IPO8: variants seen among roughly 807,000 people sequenced by gnomAD.
IPO8 encodes importin 8.
Under a neutral mutation model 141.2 loss-of-function variants are expected in IPO8, and 65 were observed. That is an observed-to-expected ratio of 0.46 (90% confidence interval 0.38 to 0.57). The LOEUF is 0.57. Ranked by LOEUF, IPO8 falls within the 20% of genes least tolerant of loss-of-function variation. The pLI, the probability that IPO8 is intolerant of heterozygous loss-of-function variation, is 0.00. For synonymous variants in IPO8, 411 were observed against 420.3 expected, an observed-to-expected ratio of 0.98 and a Z score of 0.27; for missense variants, 980 against 1,246.8, an observed-to-expected ratio of 0.79 and a Z score of 3.22.
At chr12:30,648,297 T>C (rs576730279) in intron 20 of IPO8, among the ~76,000 whole-genome samples, 1 of 152,290 alleles carries the variant, frequency 6.6e-6, no homozygotes, top group South Asian at 2.1e-4. Context: ...TGAAAACCTA[T>C]GACAAGTGAA....
intron 6 of IPO8, 41 bp from the exon 7 acceptor site, chr12:30,674,794 A>G (rs2136163880): frequency 1.6e-6 from 2 of 1,275,066 alleles, no homozygotes; most frequent in South Asian, 1.2e-5. Flanking sequence ...TCTGCATAAT[A>G]AAAGGATTTA....
chr12:30,669,074 C>A, intron 10 of IPO8, 109 bp downstream of exon 10: 1 of 515,370 alleles, frequency 1.9e-6, no homozygotes, highest in Non-Finnish European at 3.4e-6. Context: ...TCATGCAAAA[C>A]AGAACCTGGG....
chr12:30,661,392 T>A, intron 15 of IPO8, 126 bp from the exon 16 acceptor site: 5 of 686,824 alleles, frequency 7.3e-6, no homozygotes, highest in Non-Finnish European at 1.1e-5. Flanking sequence ...AAGTCTGCAC[T>A]TTGCTGACTG....
chr12:30,677,010 A>G (rs1473848265), intron 5 of IPO8: 8 of 1,529,014 alleles, frequency 5.2e-6, no homozygotes, highest in Non-Finnish European at 7.0e-6. Flanking sequence ...CATAATAACT[A>G]CAGTCCACTT....
At chr12:30,643,549 G>A (rs930027269) in intron 20 of IPO8, among the ~76,000 whole-genome samples, 5 of 152,186 alleles carry the variant, frequency 3.3e-5, no homozygotes, top group African/African-American at 1.2e-4. Context: ...GGGAGGTGGG[G>A]CCTAGTGGGA....
intron 8 of IPO8, among the ~76,000 whole-genome samples, chr12:30,671,612 T>G (rs1318991148): frequency 7.0e-6 from 1 of 143,018 alleles, no homozygotes; most frequent in Non-Finnish European, 1.5e-5. Context: ...AGGCGGAGCT[T>G]GCAGTGAGCC....
At chr12:30,644,152 G>A (rs958851444) in intron 20 of IPO8, among the ~76,000 whole-genome samples, 1 of 152,140 alleles carries the variant, frequency 6.6e-6, no homozygotes, top group African/African-American at 2.4e-5. Flanking sequence ...AGGATCACTT[G>A]AAGCCAGGAG....
rs529434188 is a variant in IPO8 at position 30,629,612 on chromosome 12, C to A, written c.*1248G>T. The stretch of plus-strand genomic sequence containing the variant: ...AGTAATATGTTAAGTTCTGAAGATA[C>A]GTTTTCATTTTGCTGAATAAAAACC... On this transcript the variant is annotated 3_prime_UTR_variant, in exon 25 of 25. Transcript: ENST00000256079. 1 of 152,162 alleles carries A rather than the reference C, an allele frequency of 6.6e-6. No homozygotes were observed. The highest frequency in any genetic ancestry group is 2.4e-5 in the African/African-American group (1 of 41,434). 9.4% of individuals were successfully genotyped at this position (152,162 alleles called of 1,614,324 possible).
chr12:30,629,712 A>C lies in IPO8; in HGVS notation c.*1148T>G, dbSNP rs10843796. 0.59 allele frequency: 89,072 copies of C among 152,004 alleles called. 27,758 individuals are homozygous for C. The highest frequency in any genetic ancestry group is 0.81 in the African/African-American group (33,425 of 41,446). The allele number at this position is 152,004 out of a possible 1,614,324, so 9.4% of individuals were successfully genotyped here. A position where few individuals can be genotyped will look rare whatever the true frequency, so the allele number is the denominator to read the frequency against. On this transcript the variant is annotated 3_prime_UTR_variant, in exon 25 of 25. Coordinates refer to ENST00000256079, the MANE Select transcript of IPO8 (RefSeq NM_006390.4). ...TCCATATGCAATATTTCCTATAGGCAACCTAAAAGTGCAGCTGCCCCAACC... is the reference window on the plus strand; with the variant it reads ...TCCATATGCAATATTTCCTATAGGCCACCTAAAAGTGCAGCTGCCCCAACC...
At chr12:30,644,653 G>GTTTTTTTTTTTTTTT (rs1169009653) in intron 20 of IPO8, among the ~76,000 whole-genome samples, 1 of 128,156 alleles carries the variant, frequency 7.8e-6, no homozygotes, top group African/African-American at 2.7e-5. Context: ...TTTTTTTTTT[G>GTTTTTTTTTTTTTTT]TTTTTTTTTT....
At chr12:30,636,115 G>A (rs546678442) in intron 22 of IPO8, among the ~76,000 whole-genome samples, 30 of 152,226 alleles carry the variant, frequency 2.0e-4, no homozygotes, top group African/African-American at 7.2e-4. Flanking sequence ...ATTAGAAGCT[G>A]TATTTTGTGC....
chr12:30,656,858 A>G (rs2052807962), intron 16 of IPO8, 108 bp from the exon 17 acceptor site: 1 of 496,426 alleles, frequency 2.0e-6, no homozygotes. Flanking sequence ...CGGTAACTTG[A>G]CAATTCTAAA....
At chr12:30,687,586 C>T (rs2053253987) in intron 2 of IPO8, among the ~76,000 whole-genome samples, 1 of 151,868 alleles carries the variant, frequency 6.6e-6, no homozygotes, top group Non-Finnish European at 1.5e-5. Context: ...CCCTTCTCTC[C>T]CTTATTACTC....
chr12:30,636,308 C>A (rs1289115784), intron 22 of IPO8, among the ~76,000 whole-genome samples: 1 of 151,982 alleles, frequency 6.6e-6, no homozygotes, highest in African/African-American at 2.4e-5. Flanking sequence ...CTGTTTTTAA[C>A]CAGGAGAGGA....
intron 17 of IPO8, among the ~76,000 whole-genome samples, chr12:30,655,365 G>T (rs1369151982): frequency 1.3e-5 from 2 of 152,078 alleles, no homozygotes; most frequent in Non-Finnish European, 2.9e-5. Context: ...AATAAAAATT[G>T]TATCTATGAT....
chr12:30,641,288 GC>G (rs2052570415), intron 20 of IPO8, among the ~76,000 whole-genome samples: 1 of 152,124 alleles, frequency 6.6e-6, no homozygotes, highest in African/African-American at 2.4e-5. Flanking sequence ...ACCTAAGAAG[GC>G]AAGGAGAGAA....
chr12:30,652,291 TG>T lies in IPO8; in HGVS notation c.2075-3del, dbSNP rs1320728354. ...AATTATGCAGGAGAGGCATCATGTC[TG>T]AAAAAAAATCAAAATCCCAATGAGA... On this transcript the variant is annotated splice_region_variant and splice_polypyrimidine_tract_variant and intron_variant, in intron 18 of 24. Transcript: ENST00000256079. 1 of 1,563,132 alleles carries T rather than the reference TG, an allele frequency of 6.4e-7. No individual in the cohort carries two copies. The highest frequency in any genetic ancestry group is 8.8e-7 in the Non-Finnish European group (1 of 1,138,594).
rs1174386521 is a variant in IPO8, at chr12:30,669,202, C to T, written c.1125G>A (p.Glu375=). The change falls in exon 10 of 25, where the codon GAG becomes GAA. Residue 375 remains glutamate, a synonymous_variant. Coordinates refer to ENST00000256079, the MANE Select transcript of IPO8 (RefSeq NM_006390.4). ...DEELWQEDPY[E]YIRMKFDIFE... ...AATTACCAAATTTCATCCTTATATA[C>T]TCATATGGATCTTCTTGCCACAGCT... 32 of 1,561,832 alleles carry T rather than the reference C, an allele frequency of 2.0e-5. No homozygotes were observed. The highest frequency in any genetic ancestry group is 2.7e-5 in the Non-Finnish European group (31 of 1,142,854).
intron 1 of IPO8, among the ~76,000 whole-genome samples, chr12:30,692,291 A>G: frequency 6.6e-6 from 1 of 152,218 alleles, no homozygotes; most frequent in Non-Finnish European, 1.5e-5. Context: ...TTATGTCAAC[A>G]CTGTTGCCAT....
Sources: gnomAD v4.1 joint callset for allele counts (sites outside exome capture counted in the v4.1 genomes callset) on GRCh38, gnomAD v4.1.1 for gene constraint, MANE v1.5 for transcripts, NCBI Gene and HGNC (gene_info 2026-07-23, HGNC 2026-07-21) for gene names.